EFNA5: variants seen among roughly 807,000 people sequenced by gnomAD.
The protein encoded by EFNA5 is ephrin-A5.
In EFNA5, 5 loss-of-function variants were observed where a neutral mutation model predicts 22.9. That is an observed-to-expected ratio of 0.22 (90% confidence interval 0.11 to 0.46). EFNA5 has a LOEUF of 0.46. Among genes scored for constraint, EFNA5 ranks in the 20% least tolerant of loss-of-function variants. The pLI is 0.99. For missense variants in EFNA5, 237 were observed against 293.3 expected (o/e 0.81, Z 1.40); for synonymous variants, 113 against 112.2 (o/e 1.01, Z -0.04).
At chr5:107,658,987 A>G (rs940829181) in intron 1 of EFNA5, among the ~76,000 whole-genome samples, 6 of 152,132 alleles carry the variant, frequency 3.9e-5, no homozygotes, top group Admixed American at 3.9e-4. Context: ...TGTCAAATAA[A>G]TCTACATGTG....
chr5:107,524,247 G>A (rs1747652042), intron 1 of EFNA5, among the ~76,000 whole-genome samples: 1 of 152,190 alleles, frequency 6.6e-6, no homozygotes. Context: ...AGATTTGTGA[G>A]CAAAAAATTC....
rs992422139 is a variant in EFNA5, at chr5:107,410,056, T to G, written c.418+17161A>C. ...TTTTTTTTTTTTTTTTGAGACGAAG[T>G]CTCACTCTGTTGCCCAGGCTGGAGT... On this transcript the variant is annotated intron_variant, in intron 2 of 4. Coordinates refer to ENST00000333274, the MANE Select transcript of EFNA5 (RefSeq NM_001962.3). Among the ~76,000 whole-genome samples, 3 of 135,408 alleles carry G rather than the reference T, an allele frequency of 2.2e-5. No individual in the cohort carries two copies. In the Admixed American group the frequency reaches 2.5e-4, roughly 11 times the overall value. 88.8% of individuals were successfully genotyped at this position (135,408 alleles called of 152,430 possible).
At chr5:107,517,122 T>C (rs537459247) in intron 1 of EFNA5, among the ~76,000 whole-genome samples, 1 of 152,054 alleles carries the variant, frequency 6.6e-6, no homozygotes, top group African/African-American at 2.4e-5. Context: ...TCATGAATTT[T>C]ATGGTATGTA....
intron 1 of EFNA5, among the ~76,000 whole-genome samples, chr5:107,651,636 T>A (rs1400333696): frequency 6.7e-6 from 1 of 149,102 alleles, no homozygotes; most frequent in African/African-American, 2.5e-5. Context: ...CATTAGACTT[T>A]CGCTAATGAT....
chr5:107,579,198 C>CATG (rs1397592357), intron 1 of EFNA5, among the ~76,000 whole-genome samples: 5 of 152,116 alleles, frequency 3.3e-5, no homozygotes, highest in African/African-American at 1.2e-4. Flanking sequence ...CTTTGGTAAT[C>CATG]ATGATGCAGA....
intron 1 of EFNA5, among the ~76,000 whole-genome samples, chr5:107,664,026 G>T (rs928745720): frequency 5.9e-5 from 9 of 152,074 alleles, no homozygotes; most frequent in Non-Finnish European, 1.3e-4. Flanking sequence ...TCAGCAACTA[G>T]CTAGCCTAAA....
At chr5:107,636,212 C>T (rs921496260) in intron 1 of EFNA5, among the ~76,000 whole-genome samples, 16 of 152,144 alleles carry the variant, frequency 1.1e-4, no homozygotes, top group African/African-American at 2.7e-4. Flanking sequence ...CTAAGACTCT[C>T]CTCAAGAGGT....
chr5:107,526,657 T>C (rs913269307), intron 1 of EFNA5, among the ~76,000 whole-genome samples: 1 of 152,224 alleles, frequency 6.6e-6, no homozygotes, highest in African/African-American at 2.4e-5. Flanking sequence ...CAGGATTTAC[T>C]TCTGAATGTG....
chr5:107,523,008 T>C (rs1747626877), intron 1 of EFNA5, among the ~76,000 whole-genome samples: 2 of 152,212 alleles, frequency 1.3e-5, no homozygotes, highest in South Asian at 2.1e-4. Flanking sequence ...CTGATACAGA[T>C]TCCACAAGAC....
intron 1 of EFNA5, among the ~76,000 whole-genome samples, chr5:107,543,842 A>G (rs929542296): frequency 2.0e-5 from 3 of 152,240 alleles, no homozygotes; most frequent in Non-Finnish European, 4.4e-5. Flanking sequence ...AACATTTAAT[A>G]TGCTGTAAAA....
chr5:107,430,306 G>A (rs930839749), intron 1 of EFNA5, among the ~76,000 whole-genome samples: 1 of 152,114 alleles, frequency 6.6e-6, no homozygotes, highest in Non-Finnish European at 1.5e-5. Flanking sequence ...TTTTGGATAA[G>A]AGCCAGACAA....
chr5:107,474,451 G>T (rs997479653), intron 1 of EFNA5, among the ~76,000 whole-genome samples: 1 of 152,040 alleles, frequency 6.6e-6, no homozygotes, highest in Non-Finnish European at 1.5e-5. Context: ...ATTTCAAACA[G>T]TCTGAGTTCA....
intron 1 of EFNA5, among the ~76,000 whole-genome samples, chr5:107,513,447 G>A (rs1250058024): frequency 6.6e-6 from 1 of 152,176 alleles, no homozygotes; most frequent in Non-Finnish European, 1.5e-5. Flanking sequence ...CCACTGCAAA[G>A]ATGGGGAAAT....
At chr5:107,466,835 A>T (rs1362529417) in intron 1 of EFNA5, among the ~76,000 whole-genome samples, 1 of 152,168 alleles carries the variant, frequency 6.6e-6, no homozygotes, top group Non-Finnish European at 1.5e-5. Context: ...TGTTGTGGGA[A>T]GTGTGATAGC....
intron 1 of EFNA5, among the ~76,000 whole-genome samples, chr5:107,626,234 T>C (rs994979842): frequency 2.0e-5 from 3 of 152,214 alleles, no homozygotes; most frequent in African/African-American, 4.8e-5. Flanking sequence ...CAAGTCATCA[T>C]CCTAGCAAAC....
chr5:107,650,912 C>T (rs150843990), intron 1 of EFNA5, among the ~76,000 whole-genome samples: 5 of 152,288 alleles, frequency 3.3e-5, no homozygotes, highest in East Asian at 3.9e-4. Flanking sequence ...AACCAGTCCA[C>T]GAAACATTTA....
At chr5:107,533,250 T>C (rs1747858034) in intron 1 of EFNA5, among the ~76,000 whole-genome samples, 1 of 152,298 alleles carries the variant, frequency 6.6e-6, no homozygotes, top group African/African-American at 2.4e-5. Flanking sequence ...GCTCTCGATA[T>C]GAAGCGGGGG....
At chr5:107,496,078 C>A (rs142066837) in intron 1 of EFNA5, among the ~76,000 whole-genome samples, 3,517 of 150,308 alleles carry the variant, frequency 0.023, 64 homozygotes, top group South Asian at 0.056. Flanking sequence ...GTAATCCCAG[C>A]ACTTTGGGAG....
intron 1 of EFNA5, among the ~76,000 whole-genome samples, chr5:107,651,510 G>T (rs958879139): frequency 6.6e-5 from 10 of 151,996 alleles, no homozygotes; most frequent in Non-Finnish European, 1.5e-4. Context: ...AGAGCCATAG[G>T]GGGTCCTCGC....
Sources: gnomAD v4.1 joint callset for allele counts (sites outside exome capture counted in the v4.1 genomes callset) on GRCh38, gnomAD v4.1.1 for gene constraint, MANE v1.5 for transcripts, NCBI Gene and HGNC (gene_info 2026-07-23, HGNC 2026-07-21) for gene names.